The following CTNND2 variants were observed in gnomAD, a reference collection of about 807,000 sequenced individuals.
CTNND2 encodes catenin delta-2.
In CTNND2, 22 loss-of-function variants were observed where a neutral mutation model predicts 144.4. The observed-to-expected ratio is 0.15, with a 90% CI of 0.11 to 0.22. CTNND2 has a LOEUF of 0.22. Ranked by LOEUF, CTNND2 falls within the 10% of genes least tolerant of loss-of-function variation. The pLI, the probability that CTNND2 is intolerant of heterozygous loss-of-function variation, is 1.00. For synonymous variants in CTNND2, 751 were observed against 695.6 expected (o/e 1.08, Z -1.25); for missense variants, 1,353 against 1,618.8 (o/e 0.84, Z 2.82).
intron 9 of CTNND2, among the ~76,000 whole-genome samples, chr5:11,253,353 A>G (rs1158328800): frequency 6.6e-6 from 1 of 152,186 alleles, no homozygotes; most frequent in Non-Finnish European, 1.5e-5. Flanking sequence ...CTTATCTTGA[A>G]TTGTAGCTCC....
At chr5:11,546,071 C>T (rs1376424185) in intron 3 of CTNND2, among the ~76,000 whole-genome samples, 1 of 152,106 alleles carries the variant, frequency 6.6e-6, no homozygotes, top group African/African-American at 2.4e-5. Flanking sequence ...TAAAAGATCA[C>T]ATATGGTATG....
chr5:11,151,689 A>G lies in CTNND2; in HGVS notation c.2159+7887T>C, dbSNP rs115908193. Among the ~76,000 whole-genome samples, 1,127 of 152,304 alleles carry G rather than the reference A, an allele frequency of 7.4e-3. 8 individuals carry two copies. Among genetic ancestry groups the G allele is most frequent in the Non-Finnish European group, 0.012 (785 of 68,012 alleles). ...AACAAATCTCAGTTGGAGTGTGCAAATTTTCATAATTAAGTAGATCAAAGT... is the reference window on the plus strand; with the variant it reads ...AACAAATCTCAGTTGGAGTGTGCAAGTTTTCATAATTAAGTAGATCAAAGT... On this transcript the variant is annotated intron_variant, in intron 12 of 21. Coordinates refer to ENST00000304623, the MANE Select transcript of CTNND2 (RefSeq NM_001332.4).
At chr5:11,692,436 T>C (rs926929350) in intron 2 of CTNND2, among the ~76,000 whole-genome samples, 4 of 152,198 alleles carry the variant, frequency 2.6e-5, no homozygotes, top group Admixed American at 1.3e-4. Context: ...TTTCTTGATA[T>C]TACATTTCTT....
chr5:11,188,252 T>TAC (rs1285523885), intron 11 of CTNND2, among the ~76,000 whole-genome samples: 1 of 152,112 alleles, frequency 6.6e-6, no homozygotes, highest in Non-Finnish European at 1.5e-5. Context: ...TATATATATA[T>TAC]ACCATAGAAT....
chr5:11,158,733 T>C (rs1758465631), intron 12 of CTNND2, among the ~76,000 whole-genome samples: 1 of 152,212 alleles, frequency 6.6e-6, no homozygotes, highest in Non-Finnish European at 1.5e-5. Flanking sequence ...ATGGCAGCTT[T>C]GAACCATTTC....
intron 2 of CTNND2, among the ~76,000 whole-genome samples, chr5:11,579,148 T>G (rs956197244): frequency 1.7e-5 from 2 of 116,660 alleles, no homozygotes; most frequent in Non-Finnish European, 3.3e-5. Context: ...GTTCCTTTCC[T>G]TTTTTTTTTT....
At chr5:11,570,655 T>A (rs1020319338) in intron 2 of CTNND2, among the ~76,000 whole-genome samples, 8 of 151,986 alleles carry the variant, frequency 5.3e-5, no homozygotes, top group South Asian at 2.1e-4. Flanking sequence ...CTTTTTTTTT[T>A]ATGAAATCTG....
chr5:11,541,398 C>A (rs568046033), intron 3 of CTNND2, among the ~76,000 whole-genome samples: 4 of 152,270 alleles, frequency 2.6e-5, no homozygotes, highest in East Asian at 3.9e-4. Context: ...AGGAAAAGTT[C>A]TTTTCCAAGG....
At chr5:11,385,589 C>T (rs1377925632) in intron 6 of CTNND2, among the ~76,000 whole-genome samples, 2 of 152,142 alleles carry the variant, frequency 1.3e-5, no homozygotes, top group Non-Finnish European at 2.9e-5. Flanking sequence ...TCTCCCTGGT[C>T]GCAATCACAA....
At chr5:11,362,892 G>A (rs61750682) in intron 8 of CTNND2, among the ~76,000 whole-genome samples, 2,064 of 152,264 alleles carry the variant, frequency 0.014, 28 homozygotes, top group South Asian at 0.033. Context: ...TCTCTGTCAC[G>A]GGCACTCCAC....
chr5:11,022,773 C>G lies in CTNND2; in HGVS notation c.2995G>C (p.Asp999His), dbSNP rs749542206. 1.6e-5 allele frequency: 26 copies of G among 1,613,642 alleles called. No individual in the cohort carries two copies. The highest frequency in any genetic ancestry group is 2.1e-5 in the Non-Finnish European group (25 of 1,179,896). The change falls in exon 17 of 22, where the codon GAT becomes CAT. Residue 999 changes from aspartate to histidine, a missense_variant. Asp to His is a moderately conservative substitution (Grantham distance 81, BLOSUM62 -1). This residue lies in a region of CTNND2 where 459 missense variants were observed against 674.3 expected (regional missense o/e 0.68). Transcript: ENST00000304623. ...TGGCGTCACCAGGTAACTTACTTAT[C>G]TCCTTTGCTTTTGGAGATGCCGACC... ...KLVGISKSKG[D>H]KHSPKVVKAA...
In CTNND2 at chr5:11,318,831, C is replaced by A. The variant is rs544239193; in HGVS notation, c.1628+27541G>T. Among the ~76,000 whole-genome samples, 517 of 152,098 alleles carry A rather than the reference C, an allele frequency of 3.4e-3. 3 individuals are homozygous for A. The highest frequency in any genetic ancestry group is 0.012 in the African/African-American group (499 of 41,480). ...AGCTCTTATCTGAAATAGAACAAAGCAAACAGTCACAACACATGCAACCAC... is the reference window on the plus strand; with the variant it reads ...AGCTCTTATCTGAAATAGAACAAAGAAAACAGTCACAACACATGCAACCAC... On this transcript the variant is annotated intron_variant, in intron 9 of 21. Coordinates refer to ENST00000304623, the MANE Select transcript of CTNND2 (RefSeq NM_001332.4).
intron 9 of CTNND2, among the ~76,000 whole-genome samples, chr5:11,307,542 C>A (rs1750373208): frequency 6.6e-6 from 1 of 152,100 alleles, no homozygotes; most frequent in Non-Finnish European, 1.5e-5. Context: ...AATAACCTCT[C>A]ACTAGTAATA....
At chr5:11,468,964 C>T (rs1766916123) in intron 3 of CTNND2, among the ~76,000 whole-genome samples, 1 of 152,106 alleles carries the variant, frequency 6.6e-6, no homozygotes. Flanking sequence ...TTAAATTTTT[C>T]AGCTTGGGTT....
intron 7 of CTNND2, among the ~76,000 whole-genome samples, chr5:11,377,092 C>T (rs893221571): frequency 1.3e-5 from 2 of 151,722 alleles, no homozygotes; most frequent in Non-Finnish European, 2.9e-5. Context: ...ATTCTGTTGC[C>T]CAGGCTGGAG....
chr5:11,499,316 T>G (rs2150006433), intron 3 of CTNND2, among the ~76,000 whole-genome samples: 1 of 152,300 alleles, frequency 6.6e-6, no homozygotes, highest in South Asian at 2.1e-4. Context: ...TAGATGAGGA[T>G]CACTTTTCCT....
At chr5:11,392,228 A>G (rs572515611) in intron 6 of CTNND2, among the ~76,000 whole-genome samples, 2 of 152,228 alleles carry the variant, frequency 1.3e-5, no homozygotes, top group African/African-American at 4.8e-5. Context: ...GATTTTTCCT[A>G]CCCTTTTACC....
At chr5:11,679,180 C>T (rs1784317587) in intron 2 of CTNND2, among the ~76,000 whole-genome samples, 3 of 151,966 alleles carry the variant, frequency 2.0e-5, no homozygotes, top group Admixed American at 2.0e-4. Context: ...ACACCCCTAT[C>T]CTGGAGAACT....
At chr5:11,706,077 G>A (rs1368667718) in intron 2 of CTNND2, among the ~76,000 whole-genome samples, 1 of 152,112 alleles carries the variant, frequency 6.6e-6, no homozygotes, top group Non-Finnish European at 1.5e-5. Context: ...CAGTATCCCA[G>A]GCCCTCAGAC....
Sources: gnomAD v4.1 joint callset for allele counts (sites outside exome capture counted in the v4.1 genomes callset) on GRCh38, gnomAD v4.1.1 for gene constraint, gnomAD v4.1.1 regional missense constraint, MANE v1.5 for transcripts, NCBI Gene and HGNC (gene_info 2026-07-23, HGNC 2026-07-21) for gene names.